Variants in GRK5 observed in about 807,000 individuals in gnomAD.
GRK5 encodes g protein-coupled receptor kinase GRK5.
In GRK5, 40 loss-of-function variants were observed where a neutral mutation model predicts 78.4. The observed-to-expected ratio is 0.51, with a 90% CI of 0.40 to 0.66. The LOEUF is 0.66. GRK5 is among the 30% of genes least tolerant of loss of function. The pLI, the probability that GRK5 is intolerant of heterozygous loss-of-function variation, is 0.00. For missense variants in GRK5, 598 were observed against 759.9 expected, an observed-to-expected ratio of 0.79 and a Z score of 2.50; for synonymous variants, 289 against 296.8, an observed-to-expected ratio of 0.97 and a Z score of 0.27.
At chr10:119,422,198 G>A (rs1326432303) in intron 4 of GRK5, among the ~76,000 whole-genome samples, 3 of 152,268 alleles carry the variant, frequency 2.0e-5, no homozygotes, top group African/African-American at 7.2e-5. Flanking sequence ...GGTGGGAGGA[G>A]GGGAGGGGGT....
At position 119,393,443 on chromosome 10, in the gene GRK5, C is replaced by T. The variant is rs148604729; in HGVS notation, c.262-3252C>T. The stretch of plus-strand genomic sequence containing the variant: ...GGTTATTGAGGCTGATTAGTGAGCC[C>T]CAGGCCTCCATTTGGTTAAATAGAG... On this transcript the variant is annotated intron_variant, in intron 3 of 15. Transcript: ENST00000392870. Among the ~76,000 whole-genome samples the T allele has an allele frequency of 1.2e-4, 19 of 152,358 alleles. No homozygotes were observed. In the East Asian group the frequency reaches 3.3e-3, roughly 26 times the overall value.
intron 1 of GRK5, among the ~76,000 whole-genome samples, chr10:119,323,555 G>A (rs937071801): frequency 2.0e-5 from 3 of 152,162 alleles, no homozygotes; most frequent in Non-Finnish European, 2.9e-5. Flanking sequence ...TGAGGGCTGC[G>A]GCTAGATGAG....
intron 1 of GRK5, among the ~76,000 whole-genome samples, chr10:119,235,249 T>C (rs1439940315): frequency 1.3e-5 from 2 of 152,136 alleles, no homozygotes; most frequent in East Asian, 3.8e-4. Context: ...ATGTTCTTCA[T>C]GTGTAGATTT....
chr10:119,391,762 G>A (rs1178643965), intron 3 of GRK5, among the ~76,000 whole-genome samples: 1 of 152,198 alleles, frequency 6.6e-6, no homozygotes, highest in Non-Finnish European at 1.5e-5. Flanking sequence ...CTGGGGCCGT[G>A]GGGGTGGATG....
chr10:119,335,632 G>A (rs1483673840), intron 2 of GRK5, among the ~76,000 whole-genome samples: 3 of 152,186 alleles, frequency 2.0e-5, no homozygotes, highest in African/African-American at 7.2e-5. Context: ...CCAAGTGCTG[G>A]GATTACAGGC....
At chr10:119,355,310 G>A (rs190020514) in intron 2 of GRK5, among the ~76,000 whole-genome samples, 83 of 152,094 alleles carry the variant, frequency 5.5e-4, no homozygotes, top group Non-Finnish European at 2.4e-4. Flanking sequence ...TCTATATATT[G>A]GCTAGTATAA....
At chr10:119,332,688 T>C (rs1008909716) in intron 2 of GRK5, among the ~76,000 whole-genome samples, 1 of 152,230 alleles carries the variant, frequency 6.6e-6, no homozygotes, top group African/African-American at 2.4e-5. Flanking sequence ...CTATGTGAGC[T>C]GGCCCTCACC....
At chr10:119,344,879 T>TTCCC (rs1239342687) in intron 2 of GRK5, among the ~76,000 whole-genome samples, 1 of 82,262 alleles carries the variant, frequency 1.2e-5, no homozygotes, top group East Asian at 4.0e-4. Context: ...CCACCCTTCC[T>TTCCC]TCCTTCCTTC....
chr10:119,424,881 C>A, intron 5 of GRK5, 112 bp from the exon 6 acceptor site: 1 of 759,392 alleles, frequency 1.3e-6, no homozygotes. Context: ...GCTGCATCTG[C>A]ATGGGTTGAG....
At chr10:119,417,050 A>G (rs1425264289) in intron 4 of GRK5, among the ~76,000 whole-genome samples, 1 of 152,204 alleles carries the variant, frequency 6.6e-6, no homozygotes, top group Non-Finnish European at 1.5e-5. Context: ...GAAGGAGCAT[A>G]GGGAAGCAAT....
At chr10:119,390,458 G>A (rs1215874768) in intron 3 of GRK5, among the ~76,000 whole-genome samples, 1 of 152,198 alleles carries the variant, frequency 6.6e-6, no homozygotes, top group African/African-American at 2.4e-5. Flanking sequence ...ACTTTGGGAG[G>A]CCAAGATGGG....
chr10:119,416,860 C>T (rs1007338666), intron 4 of GRK5, among the ~76,000 whole-genome samples: 3 of 152,232 alleles, frequency 2.0e-5, no homozygotes, highest in Non-Finnish European at 2.9e-5. Flanking sequence ...TGCCGAAGTG[C>T]TAGGATTACA....
At position 119,350,491 on chromosome 10, in the gene GRK5, T is replaced by TCA. The variant is rs576261088; in HGVS notation, c.148+23883_148+23884dup. ...GAGGCTGGATCCTGCAGCATCTTTG[T>TCA]CACAGCTCACATTTTATTTGGAATC... On this transcript the variant is annotated intron_variant, in intron 2 of 15. Coordinates refer to ENST00000392870, the MANE Select transcript of GRK5 (RefSeq NM_005308.3). Among the ~76,000 whole-genome samples the TCA allele has an allele frequency of 2.1e-3, 327 of 152,382 alleles. 1 individual carries two copies. Among genetic ancestry groups the TCA allele is most frequent in the Non-Finnish European group, 3.5e-3 (238 of 68,038 alleles).
chr10:119,281,741 C>T (rs1307990049), intron 1 of GRK5, among the ~76,000 whole-genome samples: 2 of 152,212 alleles, frequency 1.3e-5, no homozygotes, highest in African/African-American at 4.8e-5. Context: ...ACTGCCATCC[C>T]CGAGCCAGGC....
In GRK5 at chr10:119,449,070, A is replaced by G. The variant is rs151133789; in HGVS notation, c.1404+810A>G. Among the ~76,000 whole-genome samples the G allele has an allele frequency of 4.2e-3, 637 of 152,294 alleles. 6 individuals carry two copies. Among genetic ancestry groups the G allele is most frequent in the African/African-American group, 0.015 (607 of 41,570 alleles). ...TGGCAGGGGGACTGGGCCGGGGACT[A>G]TGGAGGCCGTGGGAGCAGCAGTGTG... On this transcript the variant is annotated intron_variant, in intron 13 of 15. Transcript: ENST00000392870.
intron 1 of GRK5, among the ~76,000 whole-genome samples, chr10:119,249,077 T>C (rs1055249563): frequency 2.6e-5 from 4 of 152,180 alleles, no homozygotes; most frequent in African/African-American, 9.7e-5. Flanking sequence ...AAGACCAGCC[T>C]GGTCAACATG....
At chr10:119,275,613 G>GCA (rs796867686) in intron 1 of GRK5, among the ~76,000 whole-genome samples, 6,748 of 120,692 alleles carry the variant, frequency 0.056, 221 homozygotes, top group African/African-American at 0.12. Flanking sequence ...TCTCTCTCTC[G>GCA]CACACACACA....
rs537372618 is a variant in GRK5 at position 119,226,637 on chromosome 10, T to C, written c.52+18668T>C. Among the ~76,000 whole-genome samples the C allele has an allele frequency of 2.6e-5, 4 of 151,256 alleles. No homozygotes were observed. The East Asian group carries it at 7.8e-4, about 29-fold the overall frequency. On this transcript the variant is annotated intron_variant, in intron 1 of 15. Transcript: ENST00000392870. ...TCGGCTCACTGCAATCTCTGCCTCC[T>C]GGGTTCAAGAGATTCCCTTGTCTCT...
intron 1 of GRK5, among the ~76,000 whole-genome samples, chr10:119,283,845 A>C (rs978341046): frequency 6.6e-6 from 1 of 152,196 alleles, no homozygotes; most frequent in African/African-American, 2.4e-5. Flanking sequence ...TGGCAAGAGA[A>C]TGTTTCAAGG....
Sources: allele counts gnomAD v4.1 joint callset (sites outside exome capture counted in the v4.1 genomes callset), GRCh38; gene constraint gnomAD v4.1.1; transcripts MANE v1.5; gene names NCBI Gene and HGNC (gene_info 2026-07-23, HGNC 2026-07-21).